TMEM68: variants seen among roughly 807,000 people sequenced by gnomAD.
TMEM68 encodes the protein DGAT1/2-independent enzyme synthesizing storage lipids.
A neutral mutation model predicts 36.9 loss-of-function variants in TMEM68; 25 were observed. The observed-to-expected ratio is 0.68, with a 90% CI of 0.49 to 0.95. The LOEUF is 0.95. Ranked by LOEUF, TMEM68 falls within the 40% of genes least tolerant of loss-of-function variation. The pLI, the probability that TMEM68 is intolerant of heterozygous loss-of-function variation, is 0.00. For missense variants in TMEM68, 333 were observed against 392.0 expected, an observed-to-expected ratio of 0.85 and a Z score of 1.27; for synonymous variants, 131 against 124.4, an observed-to-expected ratio of 1.05 and a Z score of -0.35.
chr8:55,749,487 C>T (rs1810373257), intron 5 of TMEM68, among the ~76,000 whole-genome samples: 1 of 152,154 alleles, frequency 6.6e-6, no homozygotes, highest in African/African-American at 2.4e-5. Context: ...ATATATATTA[C>T]TGAAAGACTT....
In TMEM68 at chr8:55,762,729, C is replaced by T; in HGVS notation, c.231G>A (p.Lys77=). 1 of 1,614,006 alleles carries T rather than the reference C, an allele frequency of 6.2e-7. No individual in the cohort carries two copies. Among genetic ancestry groups the T allele is most frequent in the Non-Finnish European group, 8.5e-7 (1 of 1,179,974 alleles). The change falls in exon 3 of 8, where the codon AAG becomes AAA. Residue 77 remains lysine (K), a synonymous_variant. Coordinates refer to ENST00000434581, the MANE Select transcript of TMEM68 (RefSeq NM_001286657.2). ...GAGAGTAGGCTTCTTTCAATACATT[C>T]TTTCTCTTATAAATGTGTAAGAAAA... ...TIIFLHIYKR[K]NVLKEAYSHN... is the part of the protein sequence containing the mutation.
intron 4 of TMEM68, among the ~76,000 whole-genome samples, chr8:55,754,867 T>C (rs1162767695): frequency 7.4e-6 from 1 of 135,054 alleles, no homozygotes; most frequent in Admixed American, 8.4e-5. Context: ...ATATATAAAA[T>C]ATATAGTATA....
At chr8:55,763,495 C>T (rs2130014349) in intron 2 of TMEM68, 1 of 152,452 alleles carries the variant, frequency 6.6e-6, no homozygotes, top group South Asian at 2.1e-4. Flanking sequence ...TCAGGTAATC[C>T]TCCTGCCTCA....
intron 1 of TMEM68, among the ~76,000 whole-genome samples, chr8:55,764,378 T>G (rs529492399): frequency 4.8e-4 from 73 of 152,350 alleles, no homozygotes; most frequent in African/African-American, 1.5e-3. Flanking sequence ...TGATAATATT[T>G]TCCTACAAAA....
intron 1 of TMEM68, among the ~76,000 whole-genome samples, chr8:55,764,444 A>G (rs1470797277): frequency 6.6e-6 from 1 of 152,226 alleles, no homozygotes; most frequent in African/African-American, 2.4e-5. Context: ...TCATTATTCC[A>G]TACTATATAA....
At chr8:55,763,064 A>G in intron 2 of TMEM68, 36 bp from the exon 3 acceptor site, 1 of 1,260,056 alleles carries the variant, frequency 7.9e-7, no homozygotes, top group Admixed American at 3.0e-5. Context: ...TATTTTCTCC[A>G]CAGCTATAAA....
intron 1 of TMEM68, chr8:55,773,005 G>A (rs1811236440): frequency 6.6e-6 from 1 of 152,524 alleles, no homozygotes; most frequent in African/African-American, 2.4e-5. Flanking sequence ...GGGAGAAGAG[G>A]GGCGGGGAGA....
intron 4 of TMEM68, among the ~76,000 whole-genome samples, chr8:55,753,595 T>C (rs1810483375): frequency 6.6e-6 from 1 of 152,230 alleles, no homozygotes; most frequent in Non-Finnish European, 1.5e-5. Flanking sequence ...AAGTAGATCA[T>C]TACTTAATTC....
In TMEM68 at chr8:55,762,291, C is replaced by T. The variant is rs1194703355; in HGVS notation, c.325+344G>A. ...CTGGTAGAGTCAAACTTATTTTGAA[C>T]AGAAGTAAATGCTAAATAATTGAAG... On this transcript the variant is annotated intron_variant, in intron 3 of 7. Transcript: ENST00000434581. 3.8e-5 allele frequency: 11 copies of T among 289,722 alleles called. No individual in the cohort carries two copies. In the South Asian group the frequency reaches 4.8e-4, roughly 13 times the overall value. 17.9% of individuals were successfully genotyped at this position (289,722 alleles called of 1,614,324 possible). A position where few individuals can be genotyped will look rare whatever the true frequency, so the allele number is the denominator to read the frequency against.
In TMEM68 at chr8:55,762,788, A is replaced by G; in HGVS notation, c.172T>C (p.Tyr58His). The change falls in exon 3 of 8, where the codon TAC (tyrosine) becomes CAC (histidine). Residue 58 changes from tyrosine (Y) to histidine (H), a missense_variant. Physicochemically the swap from Tyr to His is moderately conservative, Grantham distance 83. Coordinates refer to ENST00000434581, the MANE Select transcript of TMEM68 (RefSeq NM_001286657.2). ...FTPLILLILP[Y>H]FTIFLLYLTI... is the part of the protein sequence containing the mutation. ...AGGTAGAGAAGAAAGATAGTAAAGT[A>G]AGGAAGTATTAAAAGTATTAGTGGT... is the stretch of plus-strand genomic sequence containing the variant. The G allele has an allele frequency of 1.2e-6, 2 of 1,614,080 alleles. No homozygotes were observed. The highest frequency in any genetic ancestry group is 1.7e-6 in the Non-Finnish European group (2 of 1,179,954).
At chr8:55,763,712 G>A (rs1413852646) in intron 2 of TMEM68, 3 of 41,160 alleles carry the variant, frequency 7.3e-5, no homozygotes, top group Non-Finnish European at 2.0e-4. Flanking sequence ...CTGCACAAAA[G>A]AAAACATCAA....
intron 1 of TMEM68, among the ~76,000 whole-genome samples, chr8:55,772,370 GTC>G (rs1412450781): frequency 1.3e-5 from 2 of 152,198 alleles, no homozygotes; most frequent in Non-Finnish European, 2.9e-5. Context: ...GTCTGAGCTT[GTC>G]TCTGAAGAAG....
At chr8:55,772,322 C>T (rs1811200676) in intron 1 of TMEM68, among the ~76,000 whole-genome samples, 1 of 152,188 alleles carries the variant, frequency 6.6e-6, no homozygotes, top group Non-Finnish European at 1.5e-5. Context: ...TTTGGCATTT[C>T]GTAGCACCAA....
In TMEM68 at chr8:55,739,724, TG is replaced by T. The variant is rs1287107608; in HGVS notation, c.*407del. ...AGGGAATGAGGGGCAGACAACAGCA[TG>T]TTTTTTCTAACTTAAACAACTATAC... On this transcript the variant is annotated 3_prime_UTR_variant, in exon 8 of 8. Coordinates refer to ENST00000434581, the MANE Select transcript of TMEM68 (RefSeq NM_001286657.2). The T allele has an allele frequency of 6.4e-6, 1 of 155,434 alleles. No homozygotes were observed. Among genetic ancestry groups the T allele is most frequent in the Admixed American group, 6.5e-5 (1 of 15,398 alleles). The allele number at this position is 155,434 out of a possible 1,614,324, so 9.6% of individuals were successfully genotyped here. A position where few individuals can be genotyped will look rare whatever the true frequency, so the allele number is the denominator to read the frequency against.
chr8:55,743,191 A>G (rs1461853275), intron 7 of TMEM68, among the ~76,000 whole-genome samples: 5 of 152,118 alleles, frequency 3.3e-5, no homozygotes, highest in Non-Finnish European at 5.9e-5. Context: ...AATATTTCCA[A>G]AAACCTATGC....
At chr8:55,743,936 C>T (rs1563426263) in intron 6 of TMEM68, among the ~76,000 whole-genome samples, 1 of 151,432 alleles carries the variant, frequency 6.6e-6, no homozygotes, top group Admixed American at 6.6e-5. Context: ...TTTTAAAGTA[C>T]AGGAATTAAA....
chr8:55,759,042 C>T (rs1229646943), intron 3 of TMEM68, among the ~76,000 whole-genome samples: 1 of 151,974 alleles, frequency 6.6e-6, no homozygotes, highest in Non-Finnish European at 1.5e-5. Flanking sequence ...TTTGCAGAAG[C>T]CATCAAGTAA....
At chr8:55,743,247 T>C (rs537235677) in intron 7 of TMEM68, among the ~76,000 whole-genome samples, 4 of 152,260 alleles carry the variant, frequency 2.6e-5, no homozygotes, top group South Asian at 2.1e-4. Context: ...ATTCTATCAC[T>C]GGCCCCCACC....
chr8:55,742,950 T>C (rs1416072476), intron 7 of TMEM68, among the ~76,000 whole-genome samples: 3 of 152,178 alleles, frequency 2.0e-5, no homozygotes, highest in Non-Finnish European at 4.4e-5. Flanking sequence ...ACCTGCTGAC[T>C]TCTGTCACAC....
Sources: gnomAD v4.1 joint callset for allele counts (sites outside exome capture counted in the v4.1 genomes callset) on GRCh38, gnomAD v4.1.1 for gene constraint, MANE v1.5 for transcripts, NCBI Gene and HGNC (gene_info 2026-07-23, HGNC 2026-07-21) for gene names.